The following ST6GALNAC5 variants were observed in gnomAD, a reference collection of about 807,000 sequenced individuals.
ST6GALNAC5 encodes the protein alpha-N-acetylgalactosaminide alpha-2,6-sialyltransferase 5.
In ST6GALNAC5, 27 loss-of-function variants were observed where a neutral mutation model predicts 33.6. The ratio of observed to expected loss-of-function variants is 0.80; its 90% CI spans 0.59 to 1.11. The LOEUF (loss-of-function observed/expected upper bound fraction) is 1.11. Ranked by LOEUF, ST6GALNAC5 falls within the 50% of genes least tolerant of loss-of-function variation. The pLI, the probability that ST6GALNAC5 is intolerant of heterozygous loss-of-function variation, is 0.00. For missense variants in ST6GALNAC5, 428 were observed against 454.0 expected, an observed-to-expected ratio of 0.94 and a Z score of 0.52; for synonymous variants, 194 against 171.2, an observed-to-expected ratio of 1.13 and a Z score of -1.04.
intron 2 of ST6GALNAC5, among the ~76,000 whole-genome samples, chr1:76,953,283 C>T (rs1287331798): frequency 6.6e-6 from 1 of 152,148 alleles, no homozygotes; most frequent in African/African-American, 2.4e-5. Context: ...GTATTATTTT[C>T]CTTTCCCACC....
chr1:76,893,867 G>T (rs1171873684), intron 2 of ST6GALNAC5, among the ~76,000 whole-genome samples: 1 of 152,056 alleles, frequency 6.6e-6, no homozygotes, highest in African/African-American at 2.4e-5. Flanking sequence ...CACCATATTG[G>T]TCAGGCTGGT....
intron 2 of ST6GALNAC5, among the ~76,000 whole-genome samples, chr1:76,932,719 A>C (rs1004143097): frequency 6.6e-6 from 1 of 152,130 alleles, no homozygotes; most frequent in African/African-American, 2.4e-5. Context: ...AGCTGTTGCC[A>C]AGGCCATCCC....
chr1:76,951,240 C>T (rs1647730765), intron 2 of ST6GALNAC5, among the ~76,000 whole-genome samples: 2 of 152,134 alleles, frequency 1.3e-5, no homozygotes, highest in Admixed American at 1.3e-4. Context: ...CAGAGTTAAC[C>T]TCCATCACCA....
At chr1:76,923,949 G>C (rs1391925227) in intron 2 of ST6GALNAC5, among the ~76,000 whole-genome samples, 4 of 152,064 alleles carry the variant, frequency 2.6e-5, no homozygotes, top group Non-Finnish European at 5.9e-5. Context: ...ACTTTCCTGA[G>C]CTTTTGCAAA....
intron 2 of ST6GALNAC5, among the ~76,000 whole-genome samples, chr1:77,040,532 C>T (rs199698): frequency 0.11 from 16,868 of 151,910 alleles, 1,476 homozygotes; most frequent in African/African-American, 0.25. Flanking sequence ...TTGGCCTTCT[C>T]GGAAAGAGTG....
intron 2 of ST6GALNAC5, among the ~76,000 whole-genome samples, chr1:76,987,548 A>C (rs1440628657): frequency 1.3e-5 from 2 of 152,164 alleles, no homozygotes; most frequent in Non-Finnish European, 2.9e-5. Context: ...TCAAACGATT[A>C]AGAATAGAGT....
At chr1:76,971,681 A>G (rs555334137) in intron 2 of ST6GALNAC5, among the ~76,000 whole-genome samples, 1 of 152,260 alleles carries the variant, frequency 6.6e-6, no homozygotes, top group Non-Finnish European at 1.5e-5. Flanking sequence ...GAATACTCAC[A>G]TTAGTGTACA....
chr1:77,016,015 C>T (rs1650817390), intron 2 of ST6GALNAC5, among the ~76,000 whole-genome samples: 1 of 151,720 alleles, frequency 6.6e-6, no homozygotes, highest in Admixed American at 6.6e-5. Flanking sequence ...GCCAAATTCA[C>T]CCTCCTCCAC....
intron 2 of ST6GALNAC5, among the ~76,000 whole-genome samples, chr1:77,039,965 G>C (rs1651778690): frequency 6.6e-6 from 1 of 152,198 alleles, no homozygotes; most frequent in South Asian, 2.1e-4. Context: ...CTTAAGGGAA[G>C]AACATGTAAA....
chr1:76,895,671 T>C (rs1472618603), intron 2 of ST6GALNAC5, among the ~76,000 whole-genome samples: 1 of 152,160 alleles, frequency 6.6e-6, no homozygotes, highest in South Asian at 2.1e-4. Flanking sequence ...CCAGGAGATA[T>C]CAGCTGTGAT....
At chr1:77,021,489 T>A (rs917947043) in intron 2 of ST6GALNAC5, among the ~76,000 whole-genome samples, 1 of 152,216 alleles carries the variant, frequency 6.6e-6, no homozygotes, top group East Asian at 1.9e-4. Context: ...CAAGTCAGGA[T>A]GCTTGATGAC....
At chr1:76,990,428 T>C (rs1337621622) in intron 2 of ST6GALNAC5, among the ~76,000 whole-genome samples, 1 of 152,166 alleles carries the variant, frequency 6.6e-6, no homozygotes, top group African/African-American at 2.4e-5. Flanking sequence ...CATGAGGTCT[T>C]ATCCCCCAAT....
At chr1:77,009,364 G>C (rs1263458600) in intron 2 of ST6GALNAC5, among the ~76,000 whole-genome samples, 4 of 152,110 alleles carry the variant, frequency 2.6e-5, no homozygotes, top group Non-Finnish European at 5.9e-5. Context: ...GAGAATTTTT[G>C]TTCATGGGTA....
intron 2 of ST6GALNAC5, among the ~76,000 whole-genome samples, chr1:76,986,992 G>C (rs1649529567): frequency 6.6e-6 from 1 of 152,108 alleles, no homozygotes; most frequent in African/African-American, 2.4e-5. Context: ...ACAGGGCAAG[G>C]GAACATCACA....
intron 2 of ST6GALNAC5, among the ~76,000 whole-genome samples, chr1:77,036,798 C>G (rs1276919204): frequency 6.6e-6 from 1 of 152,246 alleles, no homozygotes; most frequent in Non-Finnish European, 1.5e-5. Flanking sequence ...GTGTGAATAA[C>G]ACAAAGTCCC....
At chr1:76,950,501 A>G (rs917293231) in intron 2 of ST6GALNAC5, among the ~76,000 whole-genome samples, 32 of 152,272 alleles carry the variant, frequency 2.1e-4, no homozygotes, top group African/African-American at 7.7e-4. Flanking sequence ...ATGAGCAGGC[A>G]TTAAACTAGT....
chr1:77,014,193 C>T (rs953026179), intron 2 of ST6GALNAC5, among the ~76,000 whole-genome samples: 2 of 152,190 alleles, frequency 1.3e-5, no homozygotes, highest in African/African-American at 2.4e-5. Context: ...TTCCTCTAAC[C>T]TTTTCGGCAG....
intron 2 of ST6GALNAC5, among the ~76,000 whole-genome samples, chr1:76,955,387 ATTAGT>A (rs964359342): frequency 4.6e-5 from 7 of 152,138 alleles, no homozygotes; most frequent in Non-Finnish European, 8.8e-5. Flanking sequence ...TCAAACAGGG[ATTAGT>A]TTAATTTCTT....
intron 2 of ST6GALNAC5, among the ~76,000 whole-genome samples, chr1:76,886,743 C>T (rs1450477361): frequency 2.0e-5 from 3 of 152,174 alleles, no homozygotes; most frequent in African/African-American, 7.2e-5. Context: ...TTCAATTCTA[C>T]TTTCTGTCTC....
Sources: gnomAD v4.1 joint callset for allele counts (sites outside exome capture counted in the v4.1 genomes callset) on GRCh38, gnomAD v4.1.1 for gene constraint, MANE v1.5 for transcripts, NCBI Gene and HGNC (gene_info 2026-07-23, HGNC 2026-07-21) for gene names.